SCAPER: variants seen among roughly 807,000 people sequenced by gnomAD.
SCAPER encodes S-phase cyclin A associated protein in the ER, also known as S phase cyclin A-associated protein in the endoplasmic reticulum.
A neutral mutation model predicts 182.2 loss-of-function variants in SCAPER; 98 were observed. The ratio of observed to expected loss-of-function variants is 0.54; its 90% confidence interval spans 0.46 to 0.64. SCAPER has a LOEUF of 0.64. SCAPER is among the 30% of genes least tolerant of loss of function. The probability of loss-of-function intolerance (pLI) is 0.00; values close to 1 mark genes in which losing one functional copy is unlikely to be tolerated. For missense variants in SCAPER, 1,432 were observed against 1,690.0 expected (o/e 0.85, Z 2.68); for synonymous variants, 605 against 564.6 (o/e 1.07, Z -1.01).
intron 25 of SCAPER, among the ~76,000 whole-genome samples, chr15:76,468,530 A>G (rs556218370): frequency 6.6e-6 from 1 of 152,106 alleles, no homozygotes; most frequent in African/African-American, 2.4e-5. Flanking sequence ...CTTTCAAAGA[A>G]GAAGAAAATG....
At position 76,795,305 on chromosome 15, in the gene SCAPER, T is replaced by C; in HGVS notation, c.747A>G (p.Thr249=). The change falls in exon 8 of 32, where the codon ACA becomes ACG. Residue 249 remains threonine, a synonymous_variant. Coordinates refer to ENST00000563290, the MANE Select transcript of SCAPER (RefSeq NM_020843.4). ...CATTTTTGCGTGAGGCCTTCTGCAC[T>C]GTCATTGGTGGGCAAGACTGGGCGG... The part of the protein sequence containing the change: ...ITPAQSCPPM[T]VQKASRKNER... 6.2e-7 allele frequency: 1 copy of C among 1,612,904 alleles called. No individual in the cohort carries two copies. Among genetic ancestry groups the C allele is most frequent in the Non-Finnish European group, 8.5e-7 (1 of 1,179,216 alleles).
intron 5 of SCAPER, among the ~76,000 whole-genome samples, chr15:76,809,608 TACA>T (rs1370251136): frequency 2.0e-5 from 3 of 152,060 alleles, no homozygotes; most frequent in African/African-American, 7.2e-5. Context: ...TAAAGGGACT[TACA>T]GAGCAGCATG....
intron 24 of SCAPER, among the ~76,000 whole-genome samples, chr15:76,492,931 G>C (rs1408881927): frequency 1.3e-5 from 2 of 150,762 alleles, no homozygotes; most frequent in African/African-American, 4.9e-5. Flanking sequence ...ATGAGTTGTG[G>C]ATGAAGAGGG....
Position 76,881,057 on chromosome 15 carries a change from G to A in SCAPER, c.6+2755C>T, listed in dbSNP as rs79360549. 3.3e-3 allele frequency among the ~76,000 whole-genome samples: 505 copies of A among 152,142 alleles called. 5 individuals are homozygous for A. The highest frequency in any genetic ancestry group is 0.011 in the African/African-American group (472 of 41,508). ...ATCTACAAGTTCCACTTTTGGTTACGTACCCGAAATAACTGAAAACAGTTC... is the reference window on the plus strand; with the variant it reads ...ATCTACAAGTTCCACTTTTGGTTACATACCCGAAATAACTGAAAACAGTTC... On this transcript the variant is annotated intron_variant, in intron 2 of 31. Transcript: ENST00000563290.
intron 29 of SCAPER, among the ~76,000 whole-genome samples, chr15:76,372,491 T>C (rs1484635126): frequency 6.6e-6 from 1 of 152,190 alleles, no homozygotes; most frequent in African/African-American, 2.4e-5. Context: ...GTGTGTTTTA[T>C]CTAAAGGAGA....
At chr15:76,571,107 G>A (rs754529829) in intron 23 of SCAPER, among the ~76,000 whole-genome samples, 4 of 152,076 alleles carry the variant, frequency 2.6e-5, no homozygotes, top group South Asian at 2.1e-4. Flanking sequence ...CACCTTACAC[G>A]ATGACACTTG....
chr15:76,469,829 G>A (rs1460532258), intron 25 of SCAPER, among the ~76,000 whole-genome samples: 2 of 152,050 alleles, frequency 1.3e-5, no homozygotes, highest in African/African-American at 4.8e-5. Flanking sequence ...AAATGCCTGG[G>A]ATATAGGGCC....
At chr15:76,698,494 A>G (rs1208329044) in intron 20 of SCAPER, among the ~76,000 whole-genome samples, 2 of 152,232 alleles carry the variant, frequency 1.3e-5, no homozygotes, top group East Asian at 1.9e-4. Flanking sequence ...AAAAGCCAAC[A>G]TAGACAGGAC....
chr15:76,771,968 G>A lies in SCAPER; in HGVS notation c.1036-14C>T. On this transcript the variant is annotated splice_polypyrimidine_tract_variant and intron_variant, in intron 9 of 31. Coordinates refer to ENST00000563290, the MANE Select transcript of SCAPER (RefSeq NM_020843.4). ...ACTCACTGTGAACTAACAAAACGTAGAGAATGAATCAGAGATAATTAAAAA... is the reference window on the plus strand; with the variant it reads ...ACTCACTGTGAACTAACAAAACGTAAAGAATGAATCAGAGATAATTAAAAA... 2.5e-6 allele frequency: 4 copies of A among 1,577,810 alleles called. No homozygotes were observed. Among genetic ancestry groups the A allele is most frequent in the Non-Finnish European group, 3.5e-6 (4 of 1,154,374 alleles).
chr15:76,579,668 C>A (rs1356417516), intron 22 of SCAPER, among the ~76,000 whole-genome samples: 3 of 152,062 alleles, frequency 2.0e-5, no homozygotes, highest in African/African-American at 7.2e-5. Context: ...ACAAATAAGT[C>A]CTTACTTATC....
chr15:76,351,252 G>C lies in SCAPER; in HGVS notation c.4084C>G (p.Pro1362Ala). The change falls in exon 31 of 32, where the codon CCT (proline) becomes GCT (alanine). Residue 1362 changes from proline to alanine, a missense_variant. By Grantham distance (27) the Pro-to-Ala change is conservative (BLOSUM62 -1). This residue lies in a region of SCAPER where 718 missense variants were observed against 799.7 expected (regional missense o/e 0.90). Transcript: ENST00000563290. Reference sequence around the variant, plus strand: ...AGAGACATACCTTTGGGTTGGTAAGGCTGGTTTTCCGCTTGACCTGGAGTC... The same window carrying C: ...AGAGACATACCTTTGGGTTGGTAAGCCTGGTTTTCCGCTTGACCTGGAGTC... ...AQTPGQAENQ[P>A]YQPKGKCLGS... 1 of 1,610,328 alleles carries C rather than the reference G, an allele frequency of 6.2e-7. No homozygotes were observed.
At position 76,471,898 on chromosome 15, in the gene SCAPER, C is replaced by G. The variant is rs563230233; in HGVS notation, c.2955-563G>C. Among the ~76,000 whole-genome samples the G allele has an allele frequency of 9.9e-5, 15 of 152,184 alleles. No individual in the cohort carries two copies. The East Asian group carries it at 2.7e-3, about 27-fold the overall frequency. ...ATCTTTCCCAGAGTGTAAAAACTGG[C>G]CTGCGTGGGCCCAGACAGTTTAAGG... is the stretch of plus-strand genomic sequence containing the variant. On this transcript the variant is annotated intron_variant, in intron 24 of 31. Coordinates refer to ENST00000563290, the MANE Select transcript of SCAPER (RefSeq NM_020843.4).
chr15:76,621,871 A>T, intron 21 of SCAPER, 42 bp from the exon 22 acceptor site: 1 of 1,415,348 alleles, frequency 7.1e-7, no homozygotes, highest in Non-Finnish European at 9.8e-7. Flanking sequence ...TTCACTGCTA[A>T]TTTTTATAAT....
At chr15:76,723,479 A>G (rs1280219199) in intron 17 of SCAPER, among the ~76,000 whole-genome samples, 1 of 152,074 alleles carries the variant, frequency 6.6e-6, no homozygotes, top group Middle Eastern at 3.4e-3. Context: ...CAATTCCTGG[A>G]TATCCTTGTT....
chr15:76,846,253 T>C (rs576768888), intron 4 of SCAPER, among the ~76,000 whole-genome samples: 2 of 152,098 alleles, frequency 1.3e-5, no homozygotes, highest in South Asian at 2.1e-4. Context: ...CAAGAAAACA[T>C]TGGGGAAAAT....
chr15:76,798,370 A>G (rs550428918), intron 7 of SCAPER, among the ~76,000 whole-genome samples: 9 of 151,914 alleles, frequency 5.9e-5, no homozygotes, highest in East Asian at 3.9e-4. Flanking sequence ...AAAAAAAAAA[A>G]AAAAGAAAAG....
intron 8 of SCAPER, among the ~76,000 whole-genome samples, chr15:76,783,429 T>C (rs1159328272): frequency 6.6e-6 from 1 of 152,054 alleles, no homozygotes; most frequent in Non-Finnish European, 1.5e-5. Context: ...ACCAGACAGA[T>C]TCACAGCCAA....
chr15:76,742,606 T>C (rs1332032944), intron 15 of SCAPER, among the ~76,000 whole-genome samples: 1 of 151,578 alleles, frequency 6.6e-6, no homozygotes, highest in Non-Finnish European at 1.5e-5. Flanking sequence ...AATAATGGAC[T>C]ATGATCTAAT....
At chr15:76,505,203 G>C (rs976967192) in intron 23 of SCAPER, among the ~76,000 whole-genome samples, 5 of 152,068 alleles carry the variant, frequency 3.3e-5, no homozygotes, top group African/African-American at 1.2e-4. Flanking sequence ...CTTAAAATTG[G>C]TAGATGGCAA....
Sources: gnomAD v4.1 joint callset for allele counts (sites outside exome capture counted in the v4.1 genomes callset) on GRCh38, gnomAD v4.1.1 for gene constraint, gnomAD v4.1.1 regional missense constraint, MANE v1.5 for transcripts, NCBI Gene and HGNC (gene_info 2026-07-23, HGNC 2026-07-21) for gene names.